SLC49A4: variants seen among roughly 807,000 people sequenced by gnomAD.
The protein encoded by SLC49A4 is solute carrier family 49 member 4, also known as disrupted in renal cancer protein 2.
In SLC49A4, 36 loss-of-function variants were observed where a neutral mutation model predicts 50.6. The observed-to-expected ratio is 0.71, with a 90% CI of 0.55 to 0.94. The LOEUF (loss-of-function observed/expected upper bound fraction) is 0.94. Among genes scored for constraint, SLC49A4 ranks in the 40% least tolerant of loss-of-function variants. SLC49A4 has a pLI of 0.00. For synonymous variants in SLC49A4, 248 were observed against 241.2 expected (o/e 1.03, Z -0.26); for missense variants, 503 against 605.7 (o/e 0.83, Z 1.78).
intron 3 of SLC49A4, among the ~76,000 whole-genome samples, chr3:122,828,117 T>C (rs1560209104): frequency 6.6e-6 from 1 of 152,212 alleles, no homozygotes; most frequent in Non-Finnish European, 1.5e-5. Context: ...TGAACCTTGT[T>C]TTAACTTTTT....
intron 4 of SLC49A4, among the ~76,000 whole-genome samples, chr3:122,836,862 A>G (rs1936694639): frequency 6.6e-6 from 1 of 152,230 alleles, no homozygotes; most frequent in African/African-American, 2.4e-5. Context: ...GACTTCAGCA[A>G]AGTCTCAGGA....
intron 2 of SLC49A4, among the ~76,000 whole-genome samples, chr3:122,810,853 C>G (rs752515458): frequency 6.6e-6 from 1 of 152,168 alleles, no homozygotes; most frequent in Non-Finnish European, 1.5e-5. Flanking sequence ...TGTTTAGTGA[C>G]TGATTTTGTG....
intron 8 of SLC49A4, 69 bp downstream of exon 8, chr3:122,872,666 G>C (rs757675889): frequency 2.6e-6 from 3 of 1,159,462 alleles, no homozygotes; most frequent in Non-Finnish European, 3.6e-6. Context: ...CTAGTGTATA[G>C]AAGTTTTTAT....
chr3:122,856,397 G>T, intron 6 of SLC49A4, 23 bp downstream of exon 6: 3 of 1,608,350 alleles, frequency 1.9e-6, no homozygotes, highest in Non-Finnish European at 2.6e-6. Context: ...TGTTAAACTT[G>T]TGAGTGGACA....
At chr3:122,808,349 G>A (rs146872982) in intron 2 of SLC49A4, among the ~76,000 whole-genome samples, 17 of 152,264 alleles carry the variant, frequency 1.1e-4, no homozygotes, top group Middle Eastern at 3.4e-3. Context: ...ATATGAAAAG[G>A]CGAGGAAAGG....
At chr3:122,876,399 G>A (rs1560246201) in intron 8 of SLC49A4, among the ~76,000 whole-genome samples, 1 of 152,184 alleles carries the variant, frequency 6.6e-6, no homozygotes, top group Admixed American at 6.5e-5. Context: ...TCAGGGGCCT[G>A]GCAGAGGTGG....
chr3:122,826,781 T>G lies in SLC49A4; in HGVS notation c.438-19T>G, dbSNP rs1576297716. ...GCCTGTTTCAAATACCTCACAGCCT[T>G]TTAATTTTTAAATTCCAGATTAATT... On this transcript the variant is annotated intron_variant, in intron 2 of 8. Transcript: ENST00000261038. 6.2e-7 allele frequency: 1 copy of G among 1,608,598 alleles called. No homozygotes were observed.
At chr3:122,874,939 A>G (rs1937246826) in intron 8 of SLC49A4, among the ~76,000 whole-genome samples, 1 of 152,224 alleles carries the variant, frequency 6.6e-6, no homozygotes, top group Non-Finnish European at 1.5e-5. Flanking sequence ...TCCATTGTAA[A>G]GAAATGCTTT....
At chr3:122,842,091 G>C (rs894308167) in intron 4 of SLC49A4, among the ~76,000 whole-genome samples, 1 of 152,280 alleles carries the variant, frequency 6.6e-6, no homozygotes, top group Admixed American at 6.5e-5. Context: ...GAGAAAGGTA[G>C]AGAGGTAGAT....
chr3:122,832,630 T>C (rs961539961), intron 3 of SLC49A4, among the ~76,000 whole-genome samples: 3 of 152,180 alleles, frequency 2.0e-5, no homozygotes, highest in East Asian at 1.9e-4. Flanking sequence ...GCCACACTTA[T>C]TAGACAATCA....
intron 4 of SLC49A4, among the ~76,000 whole-genome samples, chr3:122,834,378 G>T (rs981056497): frequency 3.3e-5 from 5 of 152,114 alleles, no homozygotes; most frequent in Non-Finnish European, 5.9e-5. Flanking sequence ...TGTGACCACA[G>T]TGGAATAAAA....
intron 2 of SLC49A4, among the ~76,000 whole-genome samples, chr3:122,822,930 G>A (rs1936474410): frequency 6.6e-6 from 1 of 152,016 alleles, no homozygotes; most frequent in South Asian, 2.1e-4. Context: ...CATATATATT[G>A]TATCACCTTA....
chr3:122,812,963 G>A (rs1020416090), intron 2 of SLC49A4, among the ~76,000 whole-genome samples: 10 of 152,126 alleles, frequency 6.6e-5, no homozygotes, highest in African/African-American at 1.9e-4. Context: ...GGGAGTAAAA[G>A]GTGTGTAAAG....
intron 1 of SLC49A4, among the ~76,000 whole-genome samples, chr3:122,805,919 T>C (rs1205104300): frequency 6.6e-6 from 1 of 152,012 alleles, no homozygotes; most frequent in Non-Finnish European, 1.5e-5. Context: ...TAAGCCGTGA[T>C]TTTTTTTAAC....
intron 2 of SLC49A4, among the ~76,000 whole-genome samples, chr3:122,824,515 G>C (rs926653317): frequency 1.2e-4 from 19 of 152,056 alleles, no homozygotes; most frequent in African/African-American, 4.6e-4. Flanking sequence ...GCAATAATTT[G>C]AGTTTTATAC....
intron 8 of SLC49A4, among the ~76,000 whole-genome samples, chr3:122,878,536 G>C (rs922931017): frequency 1.3e-5 from 2 of 152,150 alleles, no homozygotes; most frequent in African/African-American, 4.8e-5. Flanking sequence ...CTGAATTCAT[G>C]AGAGAGCATT....
At chr3:122,862,230 G>A (rs1020736079) in intron 7 of SLC49A4, among the ~76,000 whole-genome samples, 19 of 152,046 alleles carry the variant, frequency 1.2e-4, no homozygotes, top group Non-Finnish European at 2.2e-4. Context: ...TTATTAAATA[G>A]TTTGAACCAA....
At chr3:122,844,677 G>A (rs1936824582) in intron 4 of SLC49A4, among the ~76,000 whole-genome samples, 1 of 151,926 alleles carries the variant, frequency 6.6e-6, no homozygotes, top group Non-Finnish European at 1.5e-5. Context: ...AGCTCTTTGG[G>A]AGGCTGAGGC....
intron 6 of SLC49A4, among the ~76,000 whole-genome samples, chr3:122,859,040 A>G (rs1706132516): frequency 6.6e-6 from 1 of 152,228 alleles, no homozygotes; most frequent in South Asian, 2.1e-4. Flanking sequence ...ACAATCTGGT[A>G]GGGAAGACAA....
Sources: allele counts gnomAD v4.1 joint callset (sites outside exome capture counted in the v4.1 genomes callset), GRCh38; gene constraint gnomAD v4.1.1; transcripts MANE v1.5; gene names NCBI Gene and HGNC (gene_info 2026-07-23, HGNC 2026-07-21).